The following WWOX variants were observed in gnomAD, a reference collection of about 807,000 sequenced individuals.
The protein encoded by WWOX is WW domain containing oxidoreductase, also known as WW domain-containing oxidoreductase.
A neutral mutation model predicts 46.2 loss-of-function variants in WWOX; 69 were observed. The observed-to-expected ratio is 1.49, with a 90% CI of 1.23 to 1.82. The LOEUF (loss-of-function observed/expected upper bound fraction) is 1.82. Ranked by LOEUF, WWOX falls within the 40% of genes most tolerant of loss-of-function variation. WWOX has a pLI of 0.00. For missense variants in WWOX, 919 were observed against 542.6 expected, an observed-to-expected ratio of 1.69 and a Z score of -6.89; for synonymous variants, 359 against 202.6, an observed-to-expected ratio of 1.77 and a Z score of -6.56.
At chr16:78,157,714 G>A (rs1455346678) in intron 4 of WWOX, among the ~76,000 whole-genome samples, 2 of 152,218 alleles carry the variant, frequency 1.3e-5, no homozygotes, top group African/African-American at 2.4e-5. Flanking sequence ...TCCATATTCA[G>A]ACAAACGGAA....
At chr16:78,808,841 T>G in intron 8 of WWOX, among the ~76,000 whole-genome samples, 1 of 152,198 alleles carries the variant, frequency 6.6e-6, no homozygotes, top group Non-Finnish European at 1.5e-5. Context: ...CATCAACCTC[T>G]ACGGCTGCCC....
At chr16:78,519,856 A>G (rs1401197907) in intron 8 of WWOX, among the ~76,000 whole-genome samples, 1 of 152,172 alleles carries the variant, frequency 6.6e-6, no homozygotes, top group Non-Finnish European at 1.5e-5. Flanking sequence ...TGAGAAATAA[A>G]TTTGTTACTC....
chr16:78,823,473 G>C (rs567424301), intron 8 of WWOX, among the ~76,000 whole-genome samples: 1 of 152,266 alleles, frequency 6.6e-6, no homozygotes, highest in East Asian at 1.9e-4. Context: ...GTTCACCATG[G>C]TGACCCACAT....
intron 8 of WWOX, among the ~76,000 whole-genome samples, chr16:78,524,388 A>C (rs2043412303): frequency 1.8e-5 from 1 of 56,370 alleles, no homozygotes; most frequent in Non-Finnish European, 4.6e-5. Flanking sequence ...TAGAGATTTC[A>C]TTTATTTATT....
intron 5 of WWOX, among the ~76,000 whole-genome samples, chr16:78,319,284 A>G (rs1305182284): frequency 6.7e-6 from 1 of 149,150 alleles, no homozygotes; most frequent in Non-Finnish European, 1.5e-5. Context: ...ATGTCGTTTT[A>G]CTATTTTCTT....
intron 8 of WWOX, among the ~76,000 whole-genome samples, chr16:79,117,872 C>T (rs1480649331): frequency 6.6e-6 from 1 of 152,212 alleles, no homozygotes; most frequent in Non-Finnish European, 1.5e-5. Flanking sequence ...GGGCCTTGCT[C>T]TGGATTAGAT....
At chr16:78,845,129 C>T (rs2052264597) in intron 8 of WWOX, among the ~76,000 whole-genome samples, 1 of 142,520 alleles carries the variant, frequency 7.0e-6, no homozygotes. Context: ...TTTTATCTTG[C>T]TGTCTTTTTT....
At chr16:78,264,406 C>T (rs967106458) in intron 5 of WWOX, 4 of 152,010 alleles carry the variant, frequency 2.6e-5, no homozygotes, top group African/African-American at 7.3e-5. Context: ...TTAAATTATC[C>T]CCTCTTTTTA....
At chr16:78,947,936 C>T (rs1454845479) in intron 8 of WWOX, among the ~76,000 whole-genome samples, 1 of 152,070 alleles carries the variant, frequency 6.6e-6, no homozygotes, top group Non-Finnish European at 1.5e-5. Flanking sequence ...GAAAAAAACA[C>T]CAGTAATTAA....
intron 8 of WWOX, among the ~76,000 whole-genome samples, chr16:78,493,370 C>G (rs867670361): frequency 3.9e-5 from 6 of 152,116 alleles, no homozygotes; most frequent in Non-Finnish European, 7.4e-5. Context: ...ACAGGCTTAC[C>G]CAGTTCATTT....
At chr16:78,575,889 T>A (rs2151580734) in intron 8 of WWOX, among the ~76,000 whole-genome samples, 1 of 151,474 alleles carries the variant, frequency 6.6e-6, no homozygotes, top group South Asian at 2.1e-4. Flanking sequence ...TTCGTAAGGT[T>A]ACATCTTTTT....
At chr16:78,652,444 G>A (rs1166368559) in intron 8 of WWOX, among the ~76,000 whole-genome samples, 2 of 149,324 alleles carry the variant, frequency 1.3e-5, no homozygotes, top group African/African-American at 5.0e-5. Flanking sequence ...AAAAGAAAAA[G>A]GTGTTTGGAA....
chr16:78,566,309 AC>A (rs1196522432), intron 8 of WWOX, among the ~76,000 whole-genome samples: 1 of 152,186 alleles, frequency 6.6e-6, no homozygotes, highest in African/African-American at 2.4e-5. Context: ...AGGAACACAT[AC>A]ATTTAGTCCA....
At chr16:78,904,487 C>T (rs1480294822) in intron 8 of WWOX, among the ~76,000 whole-genome samples, 1 of 151,904 alleles carries the variant, frequency 6.6e-6, no homozygotes, top group African/African-American at 2.4e-5. Context: ...TCTGCCTGCC[C>T]CAGCCTCCCA....
At chr16:78,713,781 C>A (rs59317285) in intron 8 of WWOX, among the ~76,000 whole-genome samples, 1 of 152,250 alleles carries the variant, frequency 6.6e-6, no homozygotes, top group South Asian at 2.1e-4. Flanking sequence ...GTTGTTTAAG[C>A]CACCTAGTCT....
intron 8 of WWOX, among the ~76,000 whole-genome samples, chr16:78,956,172 G>C (rs1309922573): frequency 6.6e-6 from 1 of 151,782 alleles, no homozygotes; most frequent in Non-Finnish European, 1.5e-5. Context: ...TTGAGATGGA[G>C]TCTTGCTCTG....
At chr16:78,623,467 G>C (rs958782425) in intron 8 of WWOX, among the ~76,000 whole-genome samples, 7 of 152,134 alleles carry the variant, frequency 4.6e-5, no homozygotes, top group Non-Finnish European at 1.0e-4. Context: ...ATCACCTGAG[G>C]TCATGAGTTC....
chr16:78,638,400 T>G (rs566631959), intron 8 of WWOX, among the ~76,000 whole-genome samples: 1 of 152,252 alleles, frequency 6.6e-6, no homozygotes, highest in South Asian at 2.1e-4. Flanking sequence ...GGTCTGCCTT[T>G]CCAACCGCTA....
chr16:78,654,862 C>T (rs575087016), intron 8 of WWOX, among the ~76,000 whole-genome samples: 8 of 151,906 alleles, frequency 5.3e-5, no homozygotes, highest in African/African-American at 1.9e-4. Context: ...GTCAATGCAG[C>T]AGTCAAATTT....
Sources: allele counts gnomAD v4.1 joint callset (sites outside exome capture counted in the v4.1 genomes callset), GRCh38; gene constraint gnomAD v4.1.1; transcripts MANE v1.5; gene names NCBI Gene and HGNC (gene_info 2026-07-23, HGNC 2026-07-21).